The following CUX1 variants were observed in gnomAD, a reference collection of about 807,000 sequenced individuals.
CUX1 encodes the protein cut like homeobox 1, also known as protein CASP.
Under a neutral mutation model 158.8 loss-of-function variants are expected in CUX1, and 31 were observed. The observed-to-expected ratio is 0.20, with a 90% CI of 0.15 to 0.26. The LOEUF is 0.26. CUX1 is among the 10% of genes least tolerant of loss of function. CUX1 has a pLI of 1.00. For missense variants in CUX1, 1,589 were observed against 2,014.6 expected (o/e 0.79, Z 4.04); for synonymous variants, 879 against 862.1 (o/e 1.02, Z -0.34).
intron 4 of CUX1, among the ~76,000 whole-genome samples, chr7:102,086,612 CGTT>C (rs1218368176): frequency 1.3e-5 from 2 of 150,300 alleles, no homozygotes; most frequent in African/African-American, 4.9e-5. Flanking sequence ...TGGCTTTTTT[CGTT>C]GTTTTTTTTT....
intron 1 of CUX1, among the ~76,000 whole-genome samples, chr7:101,897,639 A>G (rs892794036): frequency 6.6e-6 from 1 of 152,228 alleles, no homozygotes; most frequent in Non-Finnish European, 1.5e-5. Flanking sequence ...AGCGCAGGTC[A>G]TGGGCAACAG....
chr7:102,002,287 G>C (rs891538937), intron 2 of CUX1, among the ~76,000 whole-genome samples: 5 of 152,210 alleles, frequency 3.3e-5, no homozygotes, highest in African/African-American at 1.2e-4. Flanking sequence ...GCCTCAGAGT[G>C]AGACCCTGTC....
intron 20 of CUX1, among the ~76,000 whole-genome samples, chr7:102,221,511 G>A (rs1234092775): frequency 6.6e-6 from 1 of 152,156 alleles, no homozygotes; most frequent in African/African-American, 2.4e-5. Context: ...CGGAAGAACT[G>A]CAGAGAGATG....
chr7:102,268,161 C>T (rs1790944391), intron 14 of CUX1, among the ~76,000 whole-genome samples: 1 of 152,168 alleles, frequency 6.6e-6, no homozygotes, highest in Admixed American at 6.5e-5. Flanking sequence ...CACTTATCCA[C>T]CCGTCGCCTG....
At chr7:102,280,312 C>A (rs897623639) in intron 19 of CUX1, among the ~76,000 whole-genome samples, 1 of 152,062 alleles carries the variant, frequency 6.6e-6, no homozygotes, top group Non-Finnish European at 1.5e-5. Context: ...AGGCCAGGAG[C>A]CCCCCCAAGA....
chr7:101,876,894 G>C (rs562185708), intron 1 of CUX1, among the ~76,000 whole-genome samples: 1 of 149,010 alleles, frequency 6.7e-6, no homozygotes, highest in Non-Finnish European at 1.5e-5. Flanking sequence ...GATTCCAGGC[G>C]TGAGCCACCG....
intron 20 of CUX1, among the ~76,000 whole-genome samples, chr7:102,220,824 T>G (rs1797729150): frequency 6.6e-6 from 1 of 152,122 alleles, no homozygotes; most frequent in Non-Finnish European, 1.5e-5. Flanking sequence ...ACTTATTTAT[T>G]TTTTTGAGAT....
rs1554528971 is a variant in CUX1, at chr7:102,227,445, T to C, written c.3209T>C (p.Leu1070Pro). The change falls in exon 21 of 24, where the codon CTG becomes CCG. Residue 1070 changes from leucine to proline, a missense_variant. This residue lies in a region of CUX1 where 259 missense variants were observed against 373.8 expected (regional missense o/e 0.69). Transcript: ENST00000292535. ...PMSSSESVKS[L>P]TELVQQPCPP... ...AGTTCCAGTGAGTCGGTGAAGAGCC[T>C]GACCGAGCTGGTCCAGCAGCCCTGT... The C allele has an allele frequency of 6.2e-7, 1 of 1,614,032 alleles. No homozygotes were observed. The highest frequency in any genetic ancestry group is 1.3e-5 in the African/African-American group (1 of 75,020).
rs370206245 is a variant in CUX1, at chr7:102,097,313, G to A, written c.269-51G>A. 54 of 1,573,176 alleles carry A rather than the reference G, an allele frequency of 3.4e-5. No homozygotes were observed. In the East Asian group the frequency reaches 6.1e-4, roughly 18 times the overall value. On this transcript the variant is annotated intron_variant, in intron 4 of 23. Coordinates refer to ENST00000292535, the MANE Select transcript of CUX1 (RefSeq NM_181552.4). The stretch of plus-strand genomic sequence containing the variant: ...TCTGAGCCTGTGTACCGCCGTGGAG[G>A]GGGCCTGTTTGCTGGCCGAGTGGGG...
chr7:102,087,190 G>C (rs1828035388), intron 4 of CUX1, among the ~76,000 whole-genome samples: 1 of 151,838 alleles, frequency 6.6e-6, no homozygotes, highest in Admixed American at 6.6e-5. Flanking sequence ...GTTTTTTCTT[G>C]TATTTTTCCT....
chr7:102,123,099 C>T (rs201510), intron 8 of CUX1, among the ~76,000 whole-genome samples: 31,525 of 151,816 alleles, frequency 0.21, 3,419 homozygotes, highest in Middle Eastern at 0.3. Context: ...GGTGTGGTGG[C>T]GCATGCCTGT....
chr7:102,173,130 C>T (rs567377948), intron 10 of CUX1, among the ~76,000 whole-genome samples: 40 of 152,138 alleles, frequency 2.6e-4, no homozygotes, highest in African/African-American at 7.2e-4. Context: ...GGGGCCGAGG[C>T]GGGCAGATCA....
At chr7:101,911,302 C>G (rs1803415944) in intron 1 of CUX1, among the ~76,000 whole-genome samples, 1 of 152,112 alleles carries the variant, frequency 6.6e-6, no homozygotes, top group Admixed American at 6.5e-5. Context: ...GAGCCTTGGT[C>G]TTGGCCTTGG....
At chr7:102,062,978 A>T (rs1195296205) in intron 3 of CUX1, among the ~76,000 whole-genome samples, 1 of 152,090 alleles carries the variant, frequency 6.6e-6, no homozygotes, top group Non-Finnish European at 1.5e-5. Flanking sequence ...GGTGGCAGGC[A>T]CCTGTAATCC....
At chr7:101,868,536 TTGG>T (rs1798155977) in intron 1 of CUX1, among the ~76,000 whole-genome samples, 1 of 152,212 alleles carries the variant, frequency 6.6e-6, no homozygotes, top group Non-Finnish European at 1.5e-5. Flanking sequence ...ACCTTAGCGC[TTGG>T]TGCCCTGGGA....
At position 102,251,698 on chromosome 7, in the gene CUX1, G is replaced by A; in HGVS notation, c.*2656G>A. 2 of 985,356 alleles carry A rather than the reference G, an allele frequency of 2.0e-6. No individual in the cohort carries two copies. The highest frequency in any genetic ancestry group is 2.4e-6 in the Non-Finnish European group (2 of 829,908). 61.0% of individuals were successfully genotyped at this position (985,356 alleles called of 1,614,324 possible). A position where few individuals can be genotyped will look rare whatever the true frequency, so the allele number is the denominator to read the frequency against. The stretch of plus-strand genomic sequence containing the variant: ...GGACAGTGAGTGGCAGAGCCCTGAC[G>A]ACTGTGGTGTCCTCTCCACAAAACC... On this transcript the variant is annotated 3_prime_UTR_variant, in exon 24 of 24. Coordinates refer to ENST00000292535, the MANE Select transcript of CUX1 (RefSeq NM_181552.4).
At chr7:101,938,956 G>A (rs572165454) in intron 2 of CUX1, among the ~76,000 whole-genome samples, 2 of 149,540 alleles carry the variant, frequency 1.3e-5, no homozygotes, top group Non-Finnish European at 3.0e-5. Context: ...CAGGAGAATC[G>A]CTTGAACCTG....
At chr7:101,964,373 G>A (rs1158955571) in intron 2 of CUX1, among the ~76,000 whole-genome samples, 1 of 152,012 alleles carries the variant, frequency 6.6e-6, no homozygotes, top group Non-Finnish European at 1.5e-5. Context: ...TGAAAGAAAT[G>A]ACTGAGCAGG....
intron 2 of CUX1, among the ~76,000 whole-genome samples, chr7:101,928,437 C>G (rs1006876410): frequency 1.4e-5 from 2 of 147,110 alleles, no homozygotes; most frequent in African/African-American, 5.1e-5. Context: ...GTGGCGCGAT[C>G]TTGGCTCACT....
Sources: gnomAD v4.1 joint callset for allele counts (sites outside exome capture counted in the v4.1 genomes callset) on GRCh38, gnomAD v4.1.1 for gene constraint, gnomAD v4.1.1 regional missense constraint, MANE v1.5 for transcripts, NCBI Gene and HGNC (gene_info 2026-07-23, HGNC 2026-07-21) for gene names.